The following PKD2 variants were observed in gnomAD, a reference collection of about 807,000 sequenced individuals.
PKD2 encodes polycystin 2, transient receptor potential cation channel, also known as polycystin-2.
A neutral mutation model predicts 105.9 loss-of-function variants in PKD2; 48 were observed. That is an observed-to-expected ratio of 0.45 (90% CI 0.36 to 0.58). The LOEUF is 0.58. Among genes scored for constraint, PKD2 ranks in the 20% least tolerant of loss-of-function variants. The pLI, the probability that PKD2 is intolerant of heterozygous loss-of-function variation, is 0.00. For synonymous variants in PKD2, 464 were observed against 481.1 expected, an observed-to-expected ratio of 0.96 and a Z score of 0.46; for missense variants, 1,078 against 1,255.3, an observed-to-expected ratio of 0.86 and a Z score of 2.13.
intron 12 of PKD2, 73 bp from the exon 13 acceptor site, chr4:88,067,825 G>C: frequency 3.0e-6 from 4 of 1,327,702 alleles, no homozygotes; most frequent in Middle Eastern, 1.9e-4. Context: ...GTTCCTGCTT[G>C]CCCAAGTCCT....
In PKD2 at chr4:88,065,753, T is replaced by C. The variant is rs886059702; in HGVS notation, c.2241-9T>C. On this transcript the variant is annotated splice_polypyrimidine_tract_variant and intron_variant, in intron 11 of 14. Coordinates refer to ENST00000237596, the MANE Select transcript of PKD2 (RefSeq NM_000297.4). ...ATGATTTTTATCTGTATCCTCTCTC[T>C]AATTTCAGGAAGGGCCATACTGATG... 5.5e-5 allele frequency: 87 copies of C among 1,575,116 alleles called. No individual in the cohort carries two copies. Among genetic ancestry groups the C allele is most frequent in the Admixed American group, 8.3e-5 (5 of 59,966 alleles).
chr4:88,019,690 C>T (rs1726683030), intron 2 of PKD2, 119 bp downstream of exon 2: 2 of 697,966 alleles, frequency 2.9e-6, no homozygotes, highest in Admixed American at 2.2e-5. Flanking sequence ...TACCTTCTTA[C>T]CTTTGTTTTT....
chr4:88,008,471 C>G, intron 1 of PKD2, 143 bp downstream of exon 1: 1 of 1,082,454 alleles, frequency 9.2e-7, no homozygotes, highest in Non-Finnish European at 1.2e-6. Flanking sequence ...CATTCCCCAC[C>G]TCCGCTAGTG....
intron 12 of PKD2, among the ~76,000 whole-genome samples, chr4:88,067,390 A>G (rs1396964545): frequency 1.3e-5 from 2 of 152,168 alleles, no homozygotes. Context: ...AAGATGGCTC[A>G]TGGCCCACTG....
chr4:88,074,680 G>A, intron 13 of PKD2, 132 bp from the exon 14 acceptor site: 2 of 958,832 alleles, frequency 2.1e-6, no homozygotes, highest in Non-Finnish European at 3.3e-6. Context: ...TAAAGCTTGA[G>A]ACAACTTAGA....
At position 88,063,303 on chromosome 4, in the gene PKD2, G is replaced by A. The variant is rs376543592; in HGVS notation, c.2118+1299G>A. 7.2e-5 allele frequency among the ~76,000 whole-genome samples: 11 copies of A among 152,308 alleles called. 1 individual carries two copies. The highest frequency in any genetic ancestry group is 2.6e-4 in the African/African-American group (11 of 41,578). ...CTCACGCATGTTGGGAGGCCAAGGC[G>A]GATGGATCACCTGAGGTCAGGAGTT... On this transcript the variant is annotated intron_variant, in intron 10 of 14. Transcript: ENST00000237596.
At chr4:88,073,049 A>C (rs982764945) in intron 13 of PKD2, among the ~76,000 whole-genome samples, 2 of 148,716 alleles carry the variant, frequency 1.3e-5, no homozygotes, top group African/African-American at 5.0e-5. Flanking sequence ...AAAAAAAAAA[A>C]AAAAGAGTAG....
rs150873605 is a variant in PKD2 at position 88,055,990 on chromosome 4, A to G, written c.1717-96A>G. ...TTCATCCATGTTGTAACCTGTCAGA[A>G]TTTAATTTCTTTTCAGGATGAAATA... On this transcript the variant is annotated intron_variant, in intron 7 of 14. Coordinates refer to ENST00000237596, the MANE Select transcript of PKD2 (RefSeq NM_000297.4). 478 of 868,690 alleles carry G rather than the reference A, an allele frequency of 5.5e-4. 1 individual carries two copies. In the African/African-American group the frequency reaches 6.8e-3, roughly 12 times the overall value. The allele number at this position is 868,690 out of a possible 1,614,324, so 53.8% of individuals were successfully genotyped here.
intron 2 of PKD2, among the ~76,000 whole-genome samples, chr4:88,020,683 CTTTT>C (rs746448717): frequency 1.4e-5 from 2 of 138,102 alleles, no homozygotes; most frequent in Non-Finnish European, 1.6e-5. Flanking sequence ...AAAAGGTTTC[CTTTT>C]TTTTTTTTTT....
chr4:88,008,259 C>T lies in PKD2; in HGVS notation c.526C>T (p.Arg176Cys), dbSNP rs1221345324. Residue 176 changes from arginine to cysteine, a missense_variant, in exon 1 of 15, where the codon CGC (arginine) becomes TGC (cysteine). This residue lies in a region of PKD2 where 868 missense variants were observed against 1,067.3 expected (regional missense o/e 0.81). Coordinates refer to ENST00000237596, the MANE Select transcript of PKD2 (RefSeq NM_000297.4). ...SPVGGGDPLH[R>C]HLPLEGQPPR... is the part of the protein sequence containing the mutation. ...AGTCGGCGGCGGGGACCCGCTGCAT[C>T]GCCACCTCCCCCTGGAAGGGCAGCC... 6.8e-6 allele frequency: 10 copies of T among 1,464,464 alleles called. No individual in the cohort carries two copies. The highest frequency in any genetic ancestry group is 2.4e-5 in the Admixed American group (1 of 42,168). The allele number at this position is 1,464,464 out of a possible 1,614,324, so 90.7% of individuals were successfully genotyped here.
chr4:88,061,269 G>T (rs1335796371), intron 9 of PKD2, among the ~76,000 whole-genome samples: 1 of 152,138 alleles, frequency 6.6e-6, no homozygotes, highest in South Asian at 2.1e-4. Context: ...AGAGAACATA[G>T]ATAAGCAAAA....
intron 6 of PKD2, among the ~76,000 whole-genome samples, chr4:88,050,756 G>A (rs1459649189): frequency 6.6e-6 from 1 of 151,054 alleles, no homozygotes; most frequent in Non-Finnish European, 1.5e-5. Flanking sequence ...TCTTGAGTCT[G>A]CTGTGTTCAT....
At chr4:88,074,357 C>G (rs1362149708) in intron 13 of PKD2, among the ~76,000 whole-genome samples, 1 of 152,066 alleles carries the variant, frequency 6.6e-6, no homozygotes, top group South Asian at 2.1e-4. Context: ...CAGGCTGGCT[C>G]GAACTCCTGG....
intron 9 of PKD2, among the ~76,000 whole-genome samples, chr4:88,059,667 T>C (rs565821403): frequency 3.3e-5 from 5 of 152,186 alleles, no homozygotes; most frequent in Admixed American, 1.3e-4. Context: ...ACTAAAATTG[T>C]TTTTTTGTAC....
In PKD2 at chr4:88,036,351, A is replaced by G; in HGVS notation, c.841A>G (p.Lys281Glu). 6.2e-7 allele frequency: 1 copy of G among 1,612,814 alleles called. No individual in the cohort carries two copies. Reference sequence around the variant, plus strand: ...TCTGTCTTCCATGGAAGACTTCTGGAAGGTATTTGCAAATAACTTTGAAAG... The same window carrying G: ...TCTGTCTTCCATGGAAGACTTCTGGGAGGTATTTGCAAATAACTTTGAAAG... ...KTLSSMEDFW[K>E]FTEGSLLDGL... Residue 281 changes from lysine to glutamate, a missense_variant and splice_region_variant, in exon 3 of 15, where the codon AAG (lysine) becomes GAG (glutamate). Coordinates refer to ENST00000237596, the MANE Select transcript of PKD2 (RefSeq NM_000297.4).
rs148920907 is a variant in PKD2 at position 88,051,997 on chromosome 4, G to A, written c.1555G>A (p.Val519Met). ...TAAATATTTTGCTTTTCAGCTGTCAGTGGTAGCTATAGGAATTAACATATA... is the reference window on the plus strand; with the variant it reads ...TAAATATTTTGCTTTTCAGCTGTCAATGGTAGCTATAGGAATTAACATATA... ...CLDVVIVVLS[V>M]VAIGINIYRT... Residue 519 changes from valine (V) to methionine (M), a missense_variant, in exon 7 of 15, where the codon GTG (valine) becomes ATG (methionine). Coordinates refer to ENST00000237596, the MANE Select transcript of PKD2 (RefSeq NM_000297.4). 112 of 1,572,478 alleles carry A rather than the reference G, an allele frequency of 7.1e-5. No homozygotes were observed. In the Middle Eastern group the frequency reaches 1.8e-3, roughly 26 times the overall value.
chr4:88,039,081 C>G (rs1226673967), intron 4 of PKD2, among the ~76,000 whole-genome samples: 1 of 152,150 alleles, frequency 6.6e-6, no homozygotes, highest in African/African-American at 2.4e-5. Flanking sequence ...AGGTCACTTA[C>G]TATTTTAGAA....
chr4:88,056,091 C>T lies in PKD2; in HGVS notation c.1722C>T (p.Phe574=), dbSNP rs1418873313. 1.2e-6 allele frequency: 2 copies of T among 1,607,658 alleles called. No individual in the cohort carries two copies. The highest frequency in any genetic ancestry group is 1.1e-5 in the South Asian group (1 of 90,946). Residue 574 remains phenylalanine, a synonymous_variant, in exon 8 of 15, where the codon TTC becomes TTT. Transcript: ENST00000237596. ...ATGTCTTCTCTCTCTTACAGCTCTTCAAATTCATCAATTTTAACAGGACCA... is the reference window on the plus strand; with the variant it reads ...ATGTCTTCTCTCTCTTACAGCTCTTTAAATTCATCAATTTTAACAGGACCA... ...VTVFFVWIKL[F]KFINFNRTMS...
rs746121408 is a variant in PKD2, at chr4:88,046,725, CT to C, written c.1407del (p.Phe469LeufsTer45). On this transcript the variant is annotated frameshift_variant, in exon 6 of 15. Transcript: ENST00000237596. LOFTEE classifies it high-confidence loss of function. The part of the protein sequence containing the change: ...QPLKLIRYVT[T>X]FDFFLAACEI... The stretch of plus-strand genomic sequence containing the variant: ...TTAAAGCTGATCCGATATGTCACAA[CT>C]TTTGATTTCTTCCTGGCAGCCTGTG... 6.2e-7 allele frequency: 1 copy of C among 1,613,436 alleles called. No individual in the cohort carries two copies. Among genetic ancestry groups the C allele is most frequent in the South Asian group, 1.1e-5 (1 of 91,072 alleles).
Sources: allele counts gnomAD v4.1 joint callset (sites outside exome capture counted in the v4.1 genomes callset), GRCh38; gene constraint gnomAD v4.1.1; regional missense constraint gnomAD v4.1.1; transcripts MANE v1.5; gene names NCBI Gene and HGNC (gene_info 2026-07-23, HGNC 2026-07-21).